Variants in MRPS6 observed in about 807,000 individuals in gnomAD.
MRPS6 encodes mitochondrial ribosomal protein S6, also known as small ribosomal subunit protein bS6m.
MRPS6 carries 6 observed loss-of-function variants against 13.1 expected under a neutral mutation model. The observed-to-expected ratio is 0.46, with a 90% confidence interval of 0.25 to 0.91. MRPS6 has a LOEUF of 0.91. Ranked by LOEUF, MRPS6 falls within the 40% of genes least tolerant of loss-of-function variation. The pLI is 0.18. For synonymous variants in MRPS6, 61 were observed against 56.5 expected (o/e 1.08, Z -0.36); for missense variants, 164 against 155.6 (o/e 1.05, Z -0.29).
Position 34,135,674 on chromosome 21 carries a change from A to G in MRPS6, c.186-6734A>G. On this transcript the variant is annotated intron_variant, in intron 2 of 2. Transcript: ENST00000399312. ...GTCCCTGCTCACCCAAAGCCTGTGGAGTCCTCCTGGGGACCACCATTGATG... is the reference window on the plus strand; with the variant it reads ...GTCCCTGCTCACCCAAAGCCTGTGGGGTCCTCCTGGGGACCACCATTGATG... 7.9e-6 allele frequency: 3 copies of G among 381,476 alleles called. 1 individual carries two copies. The highest frequency in any genetic ancestry group is 6.8e-5 in the South Asian group (3 of 44,154). The allele number at this position is 381,476 out of a possible 1,614,324, so 23.6% of individuals were successfully genotyped here. A position where few individuals can be genotyped will look rare whatever the true frequency, so the allele number is the denominator to read the frequency against.
intron 1 of MRPS6, chr21:34,095,265 A>G (rs373176040): frequency 2.5e-6 from 4 of 1,614,020 alleles, no homozygotes; most frequent in African/African-American, 2.7e-5. Flanking sequence ...GGTCATGTGC[A>G]TTGGTTTTTT....
At chr21:34,105,268 G>A (rs913898038) in intron 1 of MRPS6, 1 of 999,956 alleles carries the variant, frequency 1.0e-6, no homozygotes, top group Admixed American at 6.2e-5. Flanking sequence ...ACCCATGTTG[G>A]CAATCATGTA....
At chr21:34,086,992 A>G (rs925394351) in intron 1 of MRPS6, among the ~76,000 whole-genome samples, 3 of 152,188 alleles carry the variant, frequency 2.0e-5, no homozygotes, top group Non-Finnish European at 2.9e-5. Context: ...CTGCACACTA[A>G]GAGGTGGATG....
intron 2 of MRPS6, chr21:34,135,651 C>T (rs1319031338): frequency 2.6e-6 from 1 of 378,600 alleles, no homozygotes; most frequent in Admixed American, 3.3e-5. Flanking sequence ...ATCTCACAGT[C>T]CCTGCTCACC....
At chr21:34,088,870 ATT>A (rs549629019) in intron 1 of MRPS6, among the ~76,000 whole-genome samples, 1,741 of 145,468 alleles carry the variant, frequency 0.012, 38 homozygotes, top group South Asian at 0.083. Flanking sequence ...TTAGTGTAAG[ATT>A]TTTTTTTTTT....
chr21:34,103,668 C>A, intron 1 of MRPS6: 1 of 1,000,074 alleles, frequency 1.0e-6, no homozygotes, highest in Non-Finnish European at 1.2e-6. Flanking sequence ...TAAAGGCCAC[C>A]AGGTATTTGT....
chr21:34,142,387 C>G, intron 2 of MRPS6, 21 bp from the exon 3 acceptor site: 1 of 1,547,296 alleles, frequency 6.5e-7, no homozygotes, highest in Non-Finnish European at 8.7e-7. Flanking sequence ...CAGACACTCA[C>G]AAGTTTTTAT....
intron 1 of MRPS6, among the ~76,000 whole-genome samples, chr21:34,087,876 C>T (rs183236847): frequency 4.6e-5 from 7 of 152,144 alleles, no homozygotes; most frequent in South Asian, 4.1e-4. Context: ...TTTTAAGTAT[C>T]GCCAACAGGC....
In MRPS6 at chr21:34,096,902, A is replaced by G; in HGVS notation, c.45+23157A>G. On this transcript the variant is annotated intron_variant, in intron 1 of 2. Transcript: ENST00000399312. This position sits in a 1 kb window ranked among gnomAD's most constrained non-coding sequence, Gnocchi z 5.9. ...CAAAAGAGGAACCATACAAAATGCA[A>G]GAAAAGAGCATTCTGAGATGCAGTG... 1.2e-6 allele frequency: 2 copies of G among 1,614,148 alleles called. No individual in the cohort carries two copies. The highest frequency in any genetic ancestry group is 1.1e-5 in the South Asian group (1 of 91,082).
Position 34,113,390 on chromosome 21 carries a change from A to G in MRPS6, c.46-11951A>G, listed in dbSNP as rs552614040. 5.3e-5 allele frequency among the ~76,000 whole-genome samples: 8 copies of G among 152,370 alleles called. No homozygotes were observed. The South Asian group carries it at 1.0e-3, about 20-fold the overall frequency. ...ATACACAATAGAATACTCTTCAGCC[A>G]TAAAAAAGGAAATCCTGTGCAACAA... On this transcript the variant is annotated intron_variant, in intron 1 of 2. Coordinates refer to ENST00000399312, the MANE Select transcript of MRPS6 (RefSeq NM_032476.4).
intron 1 of MRPS6, chr21:34,123,254 AG>A (rs1980184194): frequency 6.6e-6 from 1 of 152,204 alleles, no homozygotes; most frequent in South Asian, 2.1e-4. Flanking sequence ...TTTGGTTGCC[AG>A]AATGCACACT....
At chr21:34,116,318 GT>G (rs543766044) in intron 1 of MRPS6, among the ~76,000 whole-genome samples, 2,967 of 129,114 alleles carry the variant, frequency 0.023, 51 homozygotes, top group South Asian at 0.095. Context: ...AATCATCCAT[GT>G]TTTTTTTTTT....
In MRPS6 at chr21:34,096,101, G is replaced by A; in HGVS notation, c.45+22356G>A. On this transcript the variant is annotated intron_variant, in intron 1 of 2. Coordinates refer to ENST00000399312, the MANE Select transcript of MRPS6 (RefSeq NM_032476.4). The surrounding 1 kb of genome is among the most constrained non-coding windows in gnomAD (Gnocchi z 5.9). ...CTCATGCCAAAGGCTCTACTCTTAT[G>A]GCTGGCTTCTTAAAGCTCCTGCCAA... 1 of 1,614,100 alleles carries A rather than the reference G, an allele frequency of 6.2e-7. No individual in the cohort carries two copies. Among genetic ancestry groups the A allele is most frequent in the Non-Finnish European group, 8.5e-7 (1 of 1,179,996 alleles).
Position 34,096,849 on chromosome 21 carries a change from A to T in MRPS6, c.45+23104A>T. On this transcript the variant is annotated intron_variant, in intron 1 of 2. Coordinates refer to ENST00000399312, the MANE Select transcript of MRPS6 (RefSeq NM_032476.4). The surrounding 1 kb of genome is among the most constrained non-coding windows in gnomAD (Gnocchi z 5.9). ...AACCACCACCTTTTGGTCTAAGAAG[A>T]ACCTGGTGGTGAAGGAGAACTGCTC... 1 of 1,614,096 alleles carries T rather than the reference A, an allele frequency of 6.2e-7. No individual in the cohort carries two copies.
chr21:34,136,739 A>G (rs1980717846), intron 2 of MRPS6, among the ~76,000 whole-genome samples: 1 of 152,204 alleles, frequency 6.6e-6, no homozygotes, highest in Non-Finnish European at 1.5e-5. Context: ...GTGGCTTTTT[A>G]TTCAAAGAGC....
At chr21:34,129,325 G>A (rs2123261440) in intron 2 of MRPS6, among the ~76,000 whole-genome samples, 1 of 152,260 alleles carries the variant, frequency 6.6e-6, no homozygotes, top group Non-Finnish European at 1.5e-5. Context: ...TATACAAAAA[G>A]TGCGGTCGTA....
At position 34,073,633 on chromosome 21, in the gene MRPS6, C is replaced by T. The variant is rs1434190201; in HGVS notation, c.-68C>T. 3.5e-5 allele frequency: 49 copies of T among 1,400,834 alleles called. 2 individuals are homozygous for T. Among genetic ancestry groups the T allele is most frequent in the Admixed American group, 9.6e-5 (5 of 51,990 alleles). 86.8% of individuals were successfully genotyped at this position (1,400,834 alleles called of 1,614,324 possible). A position where few individuals can be genotyped will look rare whatever the true frequency, so the allele number is the denominator to read the frequency against. ...GCAGTTTCTAGGTCCCCACTGTCCCCGCCGTCCCGCCCCTTCGCGTCCCGG... is the reference window on the plus strand; with the variant it reads ...GCAGTTTCTAGGTCCCCACTGTCCCTGCCGTCCCGCCCCTTCGCGTCCCGG... On this transcript the variant is annotated 5_prime_UTR_variant, in exon 1 of 3. Coordinates refer to ENST00000399312, the MANE Select transcript of MRPS6 (RefSeq NM_032476.4).
intron 2 of MRPS6, among the ~76,000 whole-genome samples, chr21:34,125,824 GTGT>G (rs1430065660): frequency 2.0e-5 from 3 of 152,170 alleles, no homozygotes; most frequent in African/African-American, 7.2e-5. Context: ...CACAAACATA[GTGT>G]ATCAGTTTTA....
At chr21:34,125,787 T>C (rs1437838113) in intron 2 of MRPS6, among the ~76,000 whole-genome samples, 1 of 152,240 alleles carries the variant, frequency 6.6e-6, no homozygotes, top group African/African-American at 2.4e-5. Context: ...CTTTTGCCTT[T>C]AAAATACCTT....
Sources: gnomAD v4.1 joint callset for allele counts (sites outside exome capture counted in the v4.1 genomes callset) on GRCh38, gnomAD v4.1.1 for gene constraint, Gnocchi (gnomAD v3.1) non-coding constraint, MANE v1.5 for transcripts, NCBI Gene and HGNC (gene_info 2026-07-23, HGNC 2026-07-21) for gene names.